Variants in NTM observed in about 807,000 individuals in gnomAD.
The protein encoded by NTM is neurotrimin.
A neutral mutation model predicts 42.1 loss-of-function variants in NTM; 13 were observed. The observed-to-expected ratio is 0.31, with a 90% CI of 0.20 to 0.49. The LOEUF (loss-of-function observed/expected upper bound fraction) is 0.49, where lower values mean the gene tolerates loss of function less well. Among genes scored for constraint, NTM ranks in the 20% least tolerant of loss-of-function variants. The probability of loss-of-function intolerance (pLI) is 0.99; values close to 1 mark genes in which losing one functional copy is unlikely to be tolerated. For missense variants in NTM, 373 were observed against 452.8 expected (o/e 0.82, Z 1.60); for synonymous variants, 187 against 179.2 (o/e 1.04, Z -0.35).
chr11:131,779,571 C>T (rs1442286894), intron 1 of NTM, among the ~76,000 whole-genome samples: 1 of 152,052 alleles, frequency 6.6e-6, no homozygotes, highest in East Asian at 1.9e-4. Flanking sequence ...ATTATATAAA[C>T]AAAATAGATT....
At chr11:132,258,053 C>T (rs553514946) in intron 4 of NTM, among the ~76,000 whole-genome samples, 36 of 152,326 alleles carry the variant, frequency 2.4e-4, no homozygotes, top group South Asian at 1.0e-3. Context: ...TCTAACACAG[C>T]CCTTCTCAGG....
chr11:131,726,753 A>G (rs2079018879), intron 1 of NTM, among the ~76,000 whole-genome samples: 1 of 151,198 alleles, frequency 6.6e-6, no homozygotes, highest in African/African-American at 2.5e-5. Flanking sequence ...TTGCTTGGTC[A>G]TCAAGGCTGG....
chr11:131,377,775 A>T (rs112919687), intron 1 of NTM, among the ~76,000 whole-genome samples: 1 of 152,076 alleles, frequency 6.6e-6, no homozygotes, highest in East Asian at 1.9e-4. Flanking sequence ...CTGCTCTGGC[A>T]CTCACACTGT....
At chr11:131,861,870 C>G (rs1416846925) in intron 1 of NTM, among the ~76,000 whole-genome samples, 1 of 152,146 alleles carries the variant, frequency 6.6e-6, no homozygotes, top group Non-Finnish European at 1.5e-5. Flanking sequence ...AGGCCTGTCT[C>G]CACTCCACAT....
intron 1 of NTM, among the ~76,000 whole-genome samples, chr11:131,495,504 C>T (rs1328958452): frequency 6.6e-6 from 1 of 152,244 alleles, no homozygotes; most frequent in Non-Finnish European, 1.5e-5. Context: ...CTTTCCTCTC[C>T]CATGATGGTT....
intron 2 of NTM, among the ~76,000 whole-genome samples, chr11:131,915,636 C>T (rs1161285059): frequency 1.3e-5 from 2 of 152,152 alleles, no homozygotes; most frequent in African/African-American, 2.4e-5. Context: ...CAAAGACATA[C>T]CCAAGACTGG....
At chr11:131,547,926 A>T (rs1001510305) in intron 1 of NTM, among the ~76,000 whole-genome samples, 4 of 152,132 alleles carry the variant, frequency 2.6e-5, no homozygotes, top group Non-Finnish European at 5.9e-5. Context: ...CTGATTAGCC[A>T]ATGCCTAGGA....
chr11:132,198,591 A>G (rs558175616), intron 3 of NTM, among the ~76,000 whole-genome samples: 10 of 152,352 alleles, frequency 6.6e-5, no homozygotes, highest in Non-Finnish European at 1.5e-4. Flanking sequence ...AAAAGCTTTG[A>G]AAAACTATGG....
intron 1 of NTM, among the ~76,000 whole-genome samples, chr11:131,524,125 TCA>T (rs1226804294): frequency 6.6e-6 from 1 of 152,240 alleles, no homozygotes; most frequent in African/African-American, 2.4e-5. Flanking sequence ...CCATGTGGTC[TCA>T]GTTAGGCCTA....
intron 1 of NTM, chr11:131,794,909 G>T: frequency 1.0e-6 from 1 of 985,306 alleles, no homozygotes; most frequent in South Asian, 4.7e-5. Flanking sequence ...TGCAGGGAGT[G>T]TTGGGTAACC....
At position 131,966,838 on chromosome 11, in the gene NTM, A is replaced by T. The variant is rs555409395; in HGVS notation, c.167+55190A>T. Among the ~76,000 whole-genome samples the T allele has an allele frequency of 7.8e-4, 119 of 152,310 alleles. 1 individual carries two copies. The highest frequency in any genetic ancestry group is 2.5e-3 in the African/African-American group (104 of 41,568). ...GACGCTGGCCTCTGTGTGAGGACAGACATGGTGGCAAGTGGTCAGATAGGA... is the reference window on the plus strand; with the variant it reads ...GACGCTGGCCTCTGTGTGAGGACAGTCATGGTGGCAAGTGGTCAGATAGGA... On this transcript the variant is annotated intron_variant, in intron 2 of 8. Transcript: ENST00000683400.
chr11:132,267,637 A>G (rs2093269901), intron 4 of NTM, among the ~76,000 whole-genome samples: 1 of 152,024 alleles, frequency 6.6e-6, no homozygotes, highest in East Asian at 1.9e-4. Flanking sequence ...CTGAAATGGC[A>G]AAACCCTGTC....
intron 1 of NTM, among the ~76,000 whole-genome samples, chr11:131,657,293 C>T (rs2067329097): frequency 6.6e-6 from 1 of 152,054 alleles, no homozygotes; most frequent in African/African-American, 2.4e-5. Flanking sequence ...GGCCAGCCTT[C>T]GATTTGGGAA....
At chr11:131,914,014 G>A (rs892689086) in intron 2 of NTM, among the ~76,000 whole-genome samples, 38 of 152,312 alleles carry the variant, frequency 2.5e-4, no homozygotes, top group African/African-American at 8.9e-4. Context: ...CTCAGACTCT[G>A]ATGCGCTAGA....
intron 2 of NTM, among the ~76,000 whole-genome samples, chr11:132,053,096 A>C (rs2079091838): frequency 6.6e-6 from 1 of 152,240 alleles, no homozygotes; most frequent in Admixed American, 6.5e-5. Flanking sequence ...CGATCACAAC[A>C]AAAATGATGA....
At chr11:131,617,150 T>A (rs1422966818) in intron 1 of NTM, among the ~76,000 whole-genome samples, 5 of 151,944 alleles carry the variant, frequency 3.3e-5, no homozygotes, top group African/African-American at 1.2e-4. Flanking sequence ...GTTCCCTCGG[T>A]CCTTCTCTCT....
intron 1 of NTM, among the ~76,000 whole-genome samples, chr11:131,518,730 C>T (rs138669648): frequency 1.3e-5 from 2 of 152,284 alleles, no homozygotes; most frequent in African/African-American, 4.8e-5. Context: ...ATCTTTCCTG[C>T]TTTCTCTATT....
chr11:132,262,200 A>G (rs572676752), intron 4 of NTM, among the ~76,000 whole-genome samples: 1 of 152,262 alleles, frequency 6.6e-6, no homozygotes, highest in African/African-American at 2.4e-5. Flanking sequence ...CTTCCACCAT[A>G]GTCCCAGAGA....
chr11:132,317,678 A>ACTTTGTTGCAAGGTCAGTATCTT (rs1187310052), intron 7 of NTM: 1 of 1,303,852 alleles, frequency 7.7e-7, no homozygotes, highest in Non-Finnish European at 1.0e-6. Context: ...TACGAGCTCA[A>ACTTTGTTGCAAGGTCAGTATCTT]CTTTGTTGCA....
Sources: gnomAD v4.1 joint callset for allele counts (sites outside exome capture counted in the v4.1 genomes callset) on GRCh38, gnomAD v4.1.1 for gene constraint, MANE v1.5 for transcripts, NCBI Gene and HGNC (gene_info 2026-07-23, HGNC 2026-07-21) for gene names.